The following PHACTR2 variants were observed in gnomAD, a reference collection of about 807,000 sequenced individuals.
The protein encoded by PHACTR2 is phosphatase and actin regulator 2.
A neutral mutation model predicts 76.0 loss-of-function variants in PHACTR2; 30 were observed. The observed-to-expected ratio is 0.39, with a 90% CI of 0.30 to 0.54. PHACTR2 has a LOEUF of 0.54. PHACTR2 is among the 20% of genes least tolerant of loss of function. The pLI is 0.61. For missense variants in PHACTR2, 696 were observed against 781.1 expected, an observed-to-expected ratio of 0.89 and a Z score of 1.30; for synonymous variants, 292 against 292.5, an observed-to-expected ratio of 1.00 and a Z score of 0.02.
chr6:143,610,284 CAA>C lies in PHACTR2; in HGVS notation c.13+1972_13+1973del, dbSNP rs11155310. Among the ~76,000 whole-genome samples, 2 of 147,638 alleles carry C rather than the reference CAA, an allele frequency of 1.4e-5. No individual in the cohort carries two copies. The highest frequency in any genetic ancestry group is 2.5e-5 in the African/African-American group (1 of 40,654). On this transcript the variant is annotated intron_variant, in intron 1 of 11. Coordinates refer to the PHACTR2 transcript ENST00000305766. This position sits in a 1 kb window ranked among gnomAD's most constrained non-coding sequence, Gnocchi z 4.9. ...CATTTAAGATAAAACTGGTAAGTGG[CAA>C]AAAAAAAAATCTGAAAAATCTGAAA...
In PHACTR2 at chr6:143,794,352, C is replaced by G. The variant is rs1775780066; in HGVS notation, c.1845+5442C>G. On this transcript the variant is annotated intron_variant, in intron 11 of 12. Transcript: ENST00000440869. The surrounding 1 kb of genome is among the most constrained non-coding windows in gnomAD (Gnocchi z 4.1). ...TATTATTTATTATATATATTTAGAT[C>G]AGATTTAAAATATTGTATTAAGTTA... Among the ~76,000 whole-genome samples, 1 of 150,844 alleles carries G rather than the reference C, an allele frequency of 6.6e-6. No individual in the cohort carries two copies. The highest frequency in any genetic ancestry group is 2.1e-4 in the South Asian group (1 of 4,806).
At chr6:143,630,614 A>C (rs2128441891) in intron 1 of PHACTR2, among the ~76,000 whole-genome samples, 1 of 152,346 alleles carries the variant, frequency 6.6e-6, no homozygotes, top group African/African-American at 2.4e-5. Context: ...ATGAATAAAA[A>C]TCATGGTAAT....
Position 143,742,101 on chromosome 6 carries a change from A to C in PHACTR2, c.215-6884A>C, listed in dbSNP as rs1778958335. Among the ~76,000 whole-genome samples the C allele has an allele frequency of 1.3e-5, 2 of 151,726 alleles. No individual in the cohort carries two copies. The highest frequency in any genetic ancestry group is 1.9e-4 in the East Asian group (1 of 5,166). On this transcript the variant is annotated intron_variant, in intron 2 of 12. Transcript: ENST00000440869. This position sits in a 1 kb window ranked among gnomAD's most constrained non-coding sequence, Gnocchi z 4.5. Reference sequence around the variant, plus strand: ...GCCTGGGTGACAAGAGTGAAACTCCATCTCAAAAAAAAAAAACAACAACAT... The same window carrying C: ...GCCTGGGTGACAAGAGTGAAACTCCCTCTCAAAAAAAAAAAACAACAACAT...
At chr6:143,575,115 A>T (rs536830899) in intron 1 of PHACTR2, among the ~76,000 whole-genome samples, 1 of 99,538 alleles carries the variant, frequency 1.0e-5, no homozygotes, top group African/African-American at 3.7e-5. Context: ...CTCCAAAAAC[A>T]TTTTCAGCCA....
At chr6:143,586,860 C>A (rs1775636274) in intron 1 of PHACTR2, among the ~76,000 whole-genome samples, 1 of 152,112 alleles carries the variant, frequency 6.6e-6, no homozygotes, top group Non-Finnish European at 1.5e-5. Flanking sequence ...GTCCAGTGTT[C>A]GAGCCCCAGC....
chr6:143,771,940 T>G (rs1428656305), intron 6 of PHACTR2, among the ~76,000 whole-genome samples: 3 of 152,172 alleles, frequency 2.0e-5, no homozygotes, highest in Non-Finnish European at 4.4e-5. Flanking sequence ...GGAATTAAAC[T>G]GAAGGTCCAT....
intron 1 of PHACTR2, among the ~76,000 whole-genome samples, chr6:143,574,933 A>G (rs1775487714): frequency 6.6e-6 from 1 of 152,236 alleles, no homozygotes; most frequent in South Asian, 2.1e-4. Context: ...ACACGTTAAT[A>G]GACTTGTGAA....
intron 1 of PHACTR2, among the ~76,000 whole-genome samples, chr6:143,682,415 G>T (rs1292790467): frequency 6.6e-6 from 1 of 152,070 alleles, no homozygotes; most frequent in South Asian, 2.1e-4. Flanking sequence ...GGGGTTTTCT[G>T]TGTTGCCCAG....
rs374715906 is a variant in PHACTR2, at chr6:143,616,596, T to A, written c.13+8274T>A. ...GTCACCCACTCTGTGCCACGCAATGTCCTAGTTAGTGTGGATATGAGAGAA... is the reference window on the plus strand; with the variant it reads ...GTCACCCACTCTGTGCCACGCAATGACCTAGTTAGTGTGGATATGAGAGAA... On this transcript the variant is annotated intron_variant, in intron 1 of 11. Coordinates refer to the PHACTR2 transcript ENST00000305766. The surrounding 1 kb of genome is among the most constrained non-coding windows in gnomAD (Gnocchi z 4.9). Among the ~76,000 whole-genome samples the A allele has an allele frequency of 1.1e-4, 17 of 152,286 alleles. No homozygotes were observed. The highest frequency in any genetic ancestry group is 3.6e-4 in the African/African-American group (15 of 41,562).
chr6:143,765,153 A>G lies in PHACTR2; in HGVS notation c.695-108A>G. 1.1e-6 allele frequency: 1 copy of G among 880,142 alleles called. No individual in the cohort carries two copies. Among genetic ancestry groups the G allele is most frequent in the South Asian group, 1.7e-5 (1 of 59,306 alleles). The allele number at this position is 880,142 out of a possible 1,614,324, so 54.5% of individuals were successfully genotyped here. ...TTTTCTCTTATACATTTATTCAACAAACTTTAAAGGGAACATTTTAAATGT... is the reference window on the plus strand; with the variant it reads ...TTTTCTCTTATACATTTATTCAACAGACTTTAAAGGGAACATTTTAAATGT... On this transcript the variant is annotated intron_variant, in intron 5 of 12. Transcript: ENST00000440869. This position sits in a 1 kb window ranked among gnomAD's most constrained non-coding sequence, Gnocchi z 4.1.
chr6:143,723,710 T>G (rs1409015156), intron 2 of PHACTR2, among the ~76,000 whole-genome samples: 2 of 152,156 alleles, frequency 1.3e-5, no homozygotes, highest in Non-Finnish European at 2.9e-5. Context: ...TAGCGGTCAG[T>G]GAGAGAAGCA....
intron 1 of PHACTR2, among the ~76,000 whole-genome samples, chr6:143,586,336 C>A (rs1338699334): frequency 1.3e-5 from 2 of 152,194 alleles, no homozygotes; most frequent in Non-Finnish European, 2.9e-5. Flanking sequence ...TACCAACATT[C>A]AAGTAACATT....
At chr6:143,693,584 A>G (rs77144358) in intron 1 of PHACTR2, among the ~76,000 whole-genome samples, 2,857 of 152,294 alleles carry the variant, frequency 0.019, 87 homozygotes, top group African/African-American at 0.063. Flanking sequence ...ACTTTAAGCA[A>G]TGTCCCTAAA....
intron 1 of PHACTR2, among the ~76,000 whole-genome samples, chr6:143,613,503 C>G (rs894685823): frequency 6.6e-6 from 1 of 152,188 alleles, no homozygotes; most frequent in Non-Finnish European, 1.5e-5. Flanking sequence ...TGCGAGTAAA[C>G]TGACAGTCAT....
At position 143,685,381 on chromosome 6, in the gene PHACTR2, A is replaced by G. The variant is rs138756496; in HGVS notation, c.46+7172A>G. On this transcript the variant is annotated intron_variant, in intron 1 of 12. Coordinates refer to ENST00000440869, the MANE Select transcript of PHACTR2 (RefSeq NM_001100164.2). ...TATCATTAATGTAGTAAGACCTCTTAAAAGTCAGTAACAAAAAGATAAGCA... is the reference window on the plus strand; with the variant it reads ...TATCATTAATGTAGTAAGACCTCTTGAAAGTCAGTAACAAAAAGATAAGCA... Among the ~76,000 whole-genome samples, 920 of 152,224 alleles carry G rather than the reference A, an allele frequency of 6.0e-3. 6 individuals are homozygous for G. Among genetic ancestry groups the G allele is most frequent in the Non-Finnish European group, 8.5e-3 (578 of 67,998 alleles).
intron 1 of PHACTR2, among the ~76,000 whole-genome samples, chr6:143,545,367 C>T (rs182003454): frequency 6.6e-6 from 1 of 152,322 alleles, no homozygotes; most frequent in East Asian, 1.9e-4. Context: ...AGTGTCAGTT[C>T]AGCCTGAGGC....
intron 1 of PHACTR2, among the ~76,000 whole-genome samples, chr6:143,590,523 A>T (rs767921506): frequency 6.6e-6 from 1 of 151,764 alleles, no homozygotes; most frequent in African/African-American, 2.4e-5. Context: ...GATCAGTGTT[A>T]GAAAGCTAAT....
chr6:143,557,248 C>T lies in PHACTR2; in HGVS notation c.217+20041C>T, dbSNP rs1484423249. On this transcript the variant is annotated intron_variant, in intron 1 of 11. Coordinates refer to the PHACTR2 transcript ENST00000367584. The surrounding 1 kb of genome is among the most constrained non-coding windows in gnomAD (Gnocchi z 5.5). ...TTTAAAAGGATTCTCATCTCTCAAC[C>T]ATATTTCATCCTCATAACCTTTTGA... Among the ~76,000 whole-genome samples, 3 of 152,220 alleles carry T rather than the reference C, an allele frequency of 2.0e-5. No homozygotes were observed. Among genetic ancestry groups the T allele is most frequent in the Non-Finnish European group, 4.4e-5 (3 of 68,038 alleles).
chr6:143,594,519 G>A (rs1385112938), intron 1 of PHACTR2, among the ~76,000 whole-genome samples: 2 of 152,214 alleles, frequency 1.3e-5, no homozygotes, highest in Non-Finnish European at 2.9e-5. Flanking sequence ...TATTTGTGTT[G>A]AGAACCAATG....
Sources: allele counts gnomAD v4.1 joint callset (sites outside exome capture counted in the v4.1 genomes callset), GRCh38; gene constraint gnomAD v4.1.1; non-coding constraint Gnocchi (gnomAD v3.1); transcripts MANE v1.5; gene names NCBI Gene and HGNC (gene_info 2026-07-23, HGNC 2026-07-21).